TEX36: variants seen among roughly 807,000 people sequenced by gnomAD.
TEX36 encodes the protein testis-expressed protein 36.
A neutral mutation model predicts 13.6 loss-of-function variants in TEX36; 12 were observed. That is an observed-to-expected ratio of 0.88 (90% CI 0.56 to 1.43). The LOEUF (loss-of-function observed/expected upper bound fraction) is 1.43. Among genes scored for constraint, TEX36 ranks in the 40% most tolerant of loss-of-function variants. The pLI is 0.00. For synonymous variants in TEX36, 93 were observed against 83.0 expected, an observed-to-expected ratio of 1.12 and a Z score of -0.65; for missense variants, 224 against 228.3, an observed-to-expected ratio of 0.98 and a Z score of 0.12.
chr10:125,623,545 C>A (rs1252595710), intron 3 of TEX36, among the ~76,000 whole-genome samples: 1 of 148,808 alleles, frequency 6.7e-6, no homozygotes, highest in Non-Finnish European at 1.5e-5. Flanking sequence ...GAAACTGACT[C>A]GGAAATATCC....
intron 1 of TEX36, among the ~76,000 whole-genome samples, chr10:125,680,385 G>A (rs1386982018): frequency 1.3e-5 from 2 of 152,172 alleles, no homozygotes; most frequent in East Asian, 1.9e-4. Context: ...TTTTAATTTC[G>A]CTCTTTTAAA....
intron 1 of TEX36, among the ~76,000 whole-genome samples, chr10:125,671,167 T>C (rs1589787309): frequency 6.6e-6 from 1 of 152,118 alleles, no homozygotes; most frequent in East Asian, 1.9e-4. Context: ...TCCAAATACT[T>C]TGTTGAATAG....
downstream of TEX36, among the ~76,000 whole-genome samples, chr10:125,652,289 A>AT (rs1333506937): frequency 1.3e-5 from 2 of 152,212 alleles, no homozygotes; most frequent in African/African-American, 4.8e-5. Flanking sequence ...CAAAACAGAG[A>AT]TATAGACCAA....
chr10:125,586,637 A>C (rs866539020), intron 3 of TEX36, among the ~76,000 whole-genome samples: 8,488 of 58,322 alleles, frequency 0.15, 789 homozygotes, highest in African/African-American at 0.35. Context: ...TAAAAATCCA[A>C]AAAAAAAAAA....
chr10:125,618,897 G>T (rs186953100), downstream of TEX36, among the ~76,000 whole-genome samples: 2 of 140,150 alleles, frequency 1.4e-5, no homozygotes, highest in African/African-American at 5.4e-5. Flanking sequence ...ACTAGGTCAG[G>T]AGATCGAGAC....
chr10:125,677,152 G>C (rs1298582997), intron 1 of TEX36, among the ~76,000 whole-genome samples: 1 of 152,178 alleles, frequency 6.6e-6, no homozygotes, highest in Non-Finnish European at 1.5e-5. Flanking sequence ...TTTGACTTTA[G>C]ATAGTCTGAC....
At chr10:125,679,162 A>T in intron 1 of TEX36, among the ~76,000 whole-genome samples, 1 of 120,796 alleles carries the variant, frequency 8.3e-6, no homozygotes, top group Non-Finnish European at 1.6e-5. Context: ...CGCCAAGCTG[A>T]CAACTTAGTT....
chr10:125,581,636 G>C (rs914865698), intron 3 of TEX36, among the ~76,000 whole-genome samples: 3 of 152,212 alleles, frequency 2.0e-5, no homozygotes, highest in African/African-American at 7.2e-5. Flanking sequence ...TATCCCTAAA[G>C]CCAGTTCAGT....
At chr10:125,656,939 A>G (rs1490063555) in intron 3 of TEX36, among the ~76,000 whole-genome samples, 1 of 152,092 alleles carries the variant, frequency 6.6e-6, no homozygotes, top group Non-Finnish European at 1.5e-5. Flanking sequence ...AAGTCTGAGG[A>G]GGCTGAATTC....
intron 1 of TEX36, among the ~76,000 whole-genome samples, chr10:125,673,368 T>C (rs756129879): frequency 6.6e-6 from 1 of 152,160 alleles, no homozygotes; most frequent in Non-Finnish European, 1.5e-5. Flanking sequence ...CCTTCACTTA[T>C]GAAGCTTAGT....
At chr10:125,618,242 G>T (rs554814163), downstream of TEX36, among the ~76,000 whole-genome samples, 4 of 151,186 alleles carry the variant, frequency 2.6e-5, no homozygotes, top group African/African-American at 9.8e-5. Flanking sequence ...ATTTCCTCCC[G>T]TAGCTCGGAG....
intron 3 of TEX36, among the ~76,000 whole-genome samples, chr10:125,604,552 G>A (rs1161725391): frequency 1.3e-5 from 2 of 152,298 alleles, no homozygotes; most frequent in East Asian, 3.9e-4. Flanking sequence ...AGTGGCTCAT[G>A]CCTGCAATCC....
At chr10:125,625,842 C>T (rs973731871) in intron 3 of TEX36, among the ~76,000 whole-genome samples, 2 of 152,210 alleles carry the variant, frequency 1.3e-5, no homozygotes, top group African/African-American at 2.4e-5. Flanking sequence ...TTTCTCCAAG[C>T]GATGCCACCG....
At position 125,635,967 on chromosome 10, in the gene TEX36, G is replaced by A. The variant is rs145626596; in HGVS notation, c.265-14322C>T. Reference sequence around the variant, plus strand: ...TGGCTCACTGCAGCCTCAACTTCCTGGGCTCAAGCAATCCTCCCACCTCAG... The same window carrying A: ...TGGCTCACTGCAGCCTCAACTTCCTAGGCTCAAGCAATCCTCCCACCTCAG... On this transcript the variant is annotated intron_variant, in intron 3 of 3. Coordinates refer to the TEX36 transcript ENST00000526819. Among the ~76,000 whole-genome samples the A allele has an allele frequency of 4.0e-3, 602 of 151,990 alleles. 11 individuals are homozygous for A. The highest frequency in any genetic ancestry group is 0.014 in the African/African-American group (579 of 41,468).
At chr10:125,588,111 G>A (rs1056407785) in intron 3 of TEX36, among the ~76,000 whole-genome samples, 2 of 152,222 alleles carry the variant, frequency 1.3e-5, no homozygotes, top group Non-Finnish European at 2.9e-5. Flanking sequence ...TCATGCACAT[G>A]TGAGTATATC....
chr10:125,578,040 T>C (rs1039765450), intron 3 of TEX36, among the ~76,000 whole-genome samples: 5 of 152,228 alleles, frequency 3.3e-5, no homozygotes, highest in Non-Finnish European at 7.3e-5. Context: ...AATTTATTTT[T>C]CCCCATTTTT....
Position 125,656,139 on chromosome 10 carries a change from T to A in TEX36, c.322A>T (p.Asn108Tyr), listed in dbSNP as rs1236645597. ...DKRQHVSRNFNLWACDYVPSC... is the reference protein window; with the variant it reads ...DKRQHVSRNFYLWACDYVPSC... ...GGAACATAGTCACATGCCCAGAGAT[T>A]AAAATTTCTTGAAACATGTTGCCTC... is the stretch of plus-strand genomic sequence containing the variant. The change falls in exon 4 of 4, where the codon AAT (asparagine) becomes TAT (tyrosine). Residue 108 changes from asparagine (N) to tyrosine (Y), a missense_variant. Physicochemically the swap from Asn to Tyr is moderately radical, Grantham distance 143. Coordinates refer to ENST00000368821, the MANE Select transcript of TEX36 (RefSeq NM_001128202.3). 1.2e-5 allele frequency: 18 copies of A among 1,546,362 alleles called. No individual in the cohort carries two copies. The highest frequency in any genetic ancestry group is 1.7e-4 in the Middle Eastern group (1 of 5,986).
downstream of TEX36, among the ~76,000 whole-genome samples, chr10:125,651,949 C>A (rs1409599780): frequency 6.6e-6 from 1 of 152,168 alleles, no homozygotes; most frequent in Admixed American, 6.5e-5. Flanking sequence ...TGTGAAGGAA[C>A]TCTTCAAGGA....
At position 125,586,371 on chromosome 10, in the gene TEX36, T is replaced by C. The variant is rs373775781; in HGVS notation, c.265-9497A>G. Among the ~76,000 whole-genome samples, 10 of 152,180 alleles carry C rather than the reference T, an allele frequency of 6.6e-5. 1 individual carries two copies. The highest frequency in any genetic ancestry group is 3.9e-4 in the East Asian group (2 of 5,190). On this transcript the variant is annotated intron_variant, in intron 3 of 3. Coordinates refer to the TEX36 transcript ENST00000532135. ...CTATTATGTATCTTCATATATCTTG[T>C]AGTTTTCAGGTCTTGTACATTTCTT...
Sources: gnomAD v4.1 joint callset for allele counts (sites outside exome capture counted in the v4.1 genomes callset) on GRCh38, gnomAD v4.1.1 for gene constraint, MANE v1.5 for transcripts, NCBI Gene and HGNC (gene_info 2026-07-23, HGNC 2026-07-21) for gene names.